The following SLC39A11 variants were observed in gnomAD, a reference collection of about 807,000 sequenced individuals.
SLC39A11 encodes solute carrier family 39 member 11.
SLC39A11 carries 33 observed loss-of-function variants against 36.1 expected under a neutral mutation model. The observed-to-expected ratio is 0.91, with a 90% CI of 0.69 to 1.22. The LOEUF (loss-of-function observed/expected upper bound fraction) is 1.22. Among genes scored for constraint, SLC39A11 ranks in the 50% most tolerant of loss-of-function variants. SLC39A11 has a pLI of 0.00. For missense variants in SLC39A11, 432 were observed against 430.3 expected (o/e 1.00, Z -0.03); for synonymous variants, 166 against 170.3 (o/e 0.97, Z 0.20).
chr17:72,774,984 T>A (rs1307792886), intron 6 of SLC39A11, among the ~76,000 whole-genome samples: 2 of 149,954 alleles, frequency 1.3e-5, no homozygotes, highest in Non-Finnish European at 3.0e-5. Flanking sequence ...AGTAATGGTG[T>A]CTGGCTACAA....
chr17:72,761,686 C>T (rs2259727), intron 6 of SLC39A11, among the ~76,000 whole-genome samples: 9,875 of 152,224 alleles, frequency 0.065, 647 homozygotes, highest in East Asian at 0.32. Context: ...CTGTCAAGCC[C>T]AAACTTTTTC....
intron 6 of SLC39A11, among the ~76,000 whole-genome samples, chr17:72,810,745 G>A (rs576145132): frequency 2.0e-5 from 3 of 152,128 alleles, no homozygotes; most frequent in South Asian, 2.1e-4. Context: ...GAGTGCAGTG[G>A]CATGATCTTG....
rs552662124 is a variant in SLC39A11, at chr17:72,716,282, G to A, written c.671+20368C>T. 5.9e-5 allele frequency among the ~76,000 whole-genome samples: 9 copies of A among 151,992 alleles called. No homozygotes were observed. In the South Asian group the frequency reaches 6.2e-4, roughly 11 times the overall value. ...GAATTACACGGAAGAAAGGAAATTC[G>A]TCTTTTAAGAACAAGCGGGAGGCGG... On this transcript the variant is annotated intron_variant, in intron 7 of 9. Coordinates refer to ENST00000255559, the MANE Select transcript of SLC39A11 (RefSeq NM_139177.4).
At chr17:72,816,460 T>TG (rs11380741) in intron 6 of SLC39A11, among the ~76,000 whole-genome samples, 152,314 of 152,316 alleles carry the variant, frequency 1, 76,156 homozygotes, top group Middle Eastern at 1. Flanking sequence ...GCGAAACATT[T>TG]AAAAGCTGTG....
chr17:73,021,041 T>A (rs1458710662), intron 4 of SLC39A11, among the ~76,000 whole-genome samples: 1 of 152,070 alleles, frequency 6.6e-6, no homozygotes, highest in African/African-American at 2.4e-5. Context: ...CTCCCATGAA[T>A]TGGCCAAACT....
chr17:72,843,152 G>A (rs1464090996), intron 6 of SLC39A11, among the ~76,000 whole-genome samples: 1 of 152,132 alleles, frequency 6.6e-6, no homozygotes, highest in Non-Finnish European at 1.5e-5. Flanking sequence ...GTGTCATCAT[G>A]TTGGCCAGGA....
chr17:72,838,200 T>C, intron 6 of SLC39A11: 1 of 395,970 alleles, frequency 2.5e-6, no homozygotes, highest in Non-Finnish European at 4.4e-6. Context: ...CTAAAACCAC[T>C]GAATTGTGAA....
chr17:72,866,987 T>C (rs1337837449), intron 5 of SLC39A11, among the ~76,000 whole-genome samples: 1 of 152,130 alleles, frequency 6.6e-6, no homozygotes, highest in East Asian at 1.9e-4. Context: ...AGCAAAAATG[T>C]TGGAAAATGG....
chr17:72,880,381 C>A (rs2081131440), intron 5 of SLC39A11, among the ~76,000 whole-genome samples: 1 of 151,978 alleles, frequency 6.6e-6, no homozygotes, highest in African/African-American at 2.4e-5. Flanking sequence ...CCAGCCTGGG[C>A]AACATGGTGA....
At chr17:72,798,402 T>C (rs1428779316) in intron 6 of SLC39A11, among the ~76,000 whole-genome samples, 2 of 143,476 alleles carry the variant, frequency 1.4e-5, no homozygotes, top group African/African-American at 2.5e-5. Context: ...CTCTGGTCTC[T>C]TCCACTTCTT....
At chr17:72,736,534 C>G in intron 7 of SLC39A11, 116 bp downstream of exon 7, 5 of 858,820 alleles carry the variant, frequency 5.8e-6, no homozygotes, top group Non-Finnish European at 9.8e-6. Context: ...CAGTCTTGGT[C>G]CTGTGGGGCT....
chr17:73,040,867 C>T (rs1218514448), intron 3 of SLC39A11, among the ~76,000 whole-genome samples: 3 of 151,754 alleles, frequency 2.0e-5, no homozygotes, highest in South Asian at 4.2e-4. Context: ...CTCCTGTAGT[C>T]CCAGCTGCTC....
In SLC39A11 at chr17:72,678,172, C is replaced by T. The variant is rs2071355836; in HGVS notation, c.672-28904G>A. On this transcript the variant is annotated intron_variant, in intron 7 of 9. Coordinates refer to ENST00000255559, the MANE Select transcript of SLC39A11 (RefSeq NM_139177.4). Reference sequence around the variant, plus strand: ...GCTGCCATAAATGGCAGTTTGGATGCCCGTTCCGCTCACAAAAGCCCATTT... The same window carrying T: ...GCTGCCATAAATGGCAGTTTGGATGTCCGTTCCGCTCACAAAAGCCCATTT... Among the ~76,000 whole-genome samples the T allele has an allele frequency of 3.3e-5, 5 of 152,202 alleles. No homozygotes were observed. The South Asian group carries it at 1.0e-3, about 32-fold the overall frequency.
chr17:73,042,013 A>T lies in SLC39A11; in HGVS notation c.148-10299T>A, dbSNP rs950390931. On this transcript the variant is annotated intron_variant, in intron 3 of 9. Coordinates refer to ENST00000255559, the MANE Select transcript of SLC39A11 (RefSeq NM_139177.4). ...CAGAGGTACCAGCATAGAATGATTT[A>T]AAAAAAAAATCAACTTAACACCTAC... Among the ~76,000 whole-genome samples the T allele has an allele frequency of 1.5e-4, 21 of 137,836 alleles. 1 individual carries two copies. The highest frequency in any genetic ancestry group is 4.6e-4 in the African/African-American group (17 of 36,594). The allele number at this position is 137,836 out of a possible 152,430, so 90.4% of individuals were successfully genotyped here. A position where few individuals can be genotyped will look rare whatever the true frequency, so the allele number is the denominator to read the frequency against.
chr17:72,714,405 C>A (rs1361595559), intron 7 of SLC39A11, among the ~76,000 whole-genome samples: 1 of 151,698 alleles, frequency 6.6e-6, no homozygotes. Flanking sequence ...GCGGTTTTTG[C>A]CAATGAAATG....
chr17:72,806,727 C>T (rs1389309781), intron 6 of SLC39A11, among the ~76,000 whole-genome samples: 4 of 152,106 alleles, frequency 2.6e-5, no homozygotes, highest in African/African-American at 7.2e-5. Context: ...GGATTACAGG[C>T]GCCCGTCACC....
In SLC39A11 at chr17:72,748,846, T is replaced by C. The variant is rs114154865; in HGVS notation, c.602-12127A>G. Among the ~76,000 whole-genome samples, 1,267 of 152,278 alleles carry C rather than the reference T, an allele frequency of 8.3e-3. 19 individuals are homozygous for C. The highest frequency in any genetic ancestry group is 0.029 in the African/African-American group (1,222 of 41,552). On this transcript the variant is annotated intron_variant, in intron 6 of 9. Coordinates refer to ENST00000255559, the MANE Select transcript of SLC39A11 (RefSeq NM_139177.4). ...AGCCAACTCCCCTGACCTTGCACCA[T>C]GGTCGTCCACACCTGGGTTTGCCCT... is the stretch of plus-strand genomic sequence containing the variant.
At chr17:73,082,116 T>TAAA (rs1462631665) in intron 3 of SLC39A11, among the ~76,000 whole-genome samples, 1,023 of 80,280 alleles carry the variant, frequency 0.013, 19 homozygotes, top group Admixed American at 0.017. Context: ...CTACTGAAAC[T>TAAA]AAAAAAAAAG....
In SLC39A11 at chr17:73,047,988, A is replaced by AT. The variant is rs1314556226; in HGVS notation, c.148-16275_148-16274insA. Reference sequence around the variant, plus strand: ...TCTCAAAAAAAAAAAAAAAAAAAAAAAAATATATATATATATATATATATA... The same window carrying AT: ...TCTCAAAAAAAAAAAAAAAAAAAAAATAAATATATATATATATATATATATA... On this transcript the variant is annotated intron_variant, in intron 3 of 9. Transcript: ENST00000255559. Among the ~76,000 whole-genome samples the AT allele has an allele frequency of 1.6e-3, 74 of 45,780 alleles. 1 individual carries two copies. The highest frequency in any genetic ancestry group is 4.8e-3 in the African/African-American group (73 of 15,204). 30.0% of individuals were successfully genotyped at this position (45,780 alleles called of 152,430 possible).
Sources: allele counts gnomAD v4.1 joint callset (sites outside exome capture counted in the v4.1 genomes callset), GRCh38; gene constraint gnomAD v4.1.1; transcripts MANE v1.5; gene names NCBI Gene and HGNC (gene_info 2026-07-23, HGNC 2026-07-21).